The following DRG1 variants were observed in gnomAD, a reference collection of about 807,000 sequenced individuals.
DRG1 encodes developmentally regulated GTP binding protein 1.
DRG1 carries 19 observed loss-of-function variants against 38.8 expected under a neutral mutation model. That is an observed-to-expected ratio of 0.49 (90% CI 0.34 to 0.72). The LOEUF is 0.72. Ranked by LOEUF, DRG1 falls within the 30% of genes least tolerant of loss-of-function variation. DRG1 has a pLI of 0.01. For synonymous variants in DRG1, 167 were observed against 157.5 expected, an observed-to-expected ratio of 1.06 and a Z score of -0.45; for missense variants, 299 against 444.8, an observed-to-expected ratio of 0.67 and a Z score of 2.95.
intron 6 of DRG1, among the ~76,000 whole-genome samples, chr22:31,424,091 T>TG (rs1281764021): frequency 6.6e-6 from 1 of 151,982 alleles, no homozygotes; most frequent in East Asian, 1.9e-4. Context: ...TTCGAACTCC[T>TG]GACCTCAGGT....
At chr22:31,432,196 C>T (rs2050143094) in intron 8 of DRG1, among the ~76,000 whole-genome samples, 1 of 151,744 alleles carries the variant, frequency 6.6e-6, no homozygotes, top group Non-Finnish European at 1.5e-5. Context: ...CCCACCTTAG[C>T]CTTTTAAATA....
chr22:31,432,295 C>T (rs2050143578), intron 8 of DRG1, among the ~76,000 whole-genome samples: 1 of 151,792 alleles, frequency 6.6e-6, no homozygotes, highest in East Asian at 1.9e-4. Flanking sequence ...CAGACTGGTA[C>T]AACTCTCTTA....
Position 31,434,145 on chromosome 22 carries a change from C to G in DRG1, c.*174C>G. 1 of 577,504 alleles carries G rather than the reference C, an allele frequency of 1.7e-6. No homozygotes were observed. The highest frequency in any genetic ancestry group is 3.0e-5 in the Admixed American group (1 of 33,750). The allele number at this position is 577,504 out of a possible 1,614,324, so 35.8% of individuals were successfully genotyped here. A position where few individuals can be genotyped will look rare whatever the true frequency, so the allele number is the denominator to read the frequency against. On this transcript the variant is annotated 3_prime_UTR_variant, in exon 9 of 9. Coordinates refer to ENST00000331457, the MANE Select transcript of DRG1 (RefSeq NM_004147.4). ...CTTACCTTGGTGTCACCTTGTATGT[C>G]GAACTGCATAAAAGATCTGGTAGGC...
chr22:31,406,561 G>C (rs955282918), intron 3 of DRG1, among the ~76,000 whole-genome samples: 1 of 151,658 alleles, frequency 6.6e-6, no homozygotes, highest in Non-Finnish European at 1.5e-5. Context: ...TTTAATACCA[G>C]CTCCTAGGGA....
chr22:31,410,890 G>T, intron 3 of DRG1, 122 bp from the exon 4 acceptor site: 2 of 944,464 alleles, frequency 2.1e-6, no homozygotes, highest in Non-Finnish European at 3.2e-6. Context: ...CGCTTATAAG[G>T]AAGATTGGAT....
intron 5 of DRG1, among the ~76,000 whole-genome samples, chr22:31,422,500 A>C (rs945129905): frequency 6.6e-6 from 1 of 152,190 alleles, no homozygotes. Context: ...GAGAAGGAAA[A>C]CTGAAAGAGT....
Position 31,409,723 on chromosome 22 carries a change from G to A in DRG1, c.343-1289G>A, listed in dbSNP as rs547830255. On this transcript the variant is annotated intron_variant, in intron 3 of 8. Coordinates refer to ENST00000331457, the MANE Select transcript of DRG1 (RefSeq NM_004147.4). ...ATTAATGTAGAATTGGCTGGGCATG[G>A]TGGCTCACTCCTGTAATCCTAGTAC... Among the ~76,000 whole-genome samples the A allele has an allele frequency of 3.9e-5, 6 of 152,268 alleles. No homozygotes were observed. The East Asian group carries it at 1.2e-3, about 29-fold the overall frequency.
At chr22:31,420,214 T>C in intron 4 of DRG1, 42 bp from the exon 5 acceptor site, 1 of 1,599,142 alleles carries the variant, frequency 6.3e-7, no homozygotes, top group Admixed American at 1.7e-5. Flanking sequence ...TAGTTAAGGC[T>C]TTATTGAACT....
chr22:31,427,301 G>A (rs1485106545), intron 8 of DRG1, 119 bp downstream of exon 8: 3 of 1,340,534 alleles, frequency 2.2e-6, no homozygotes, highest in Admixed American at 2.5e-5. Flanking sequence ...TGAAATGTTT[G>A]CTTGGCTAGA....
chr22:31,423,863 C>CTTT (rs71202076), intron 6 of DRG1, among the ~76,000 whole-genome samples: 12 of 119,250 alleles, frequency 1.0e-4, no homozygotes, highest in Non-Finnish European at 1.5e-4. Context: ...GCTTTGGTTT[C>CTTT]TTTTTTTTTT....
At chr22:31,404,146 GCT>G (rs1176739432) in intron 3 of DRG1, among the ~76,000 whole-genome samples, 2 of 150,932 alleles carry the variant, frequency 1.3e-5, no homozygotes, top group Non-Finnish European at 3.0e-5. Flanking sequence ...TTTGCATGGT[GCT>G]CTCTTTCCTC....
At chr22:31,420,176 A>G in intron 4 of DRG1, 80 bp from the exon 5 acceptor site, 4 of 1,503,612 alleles carry the variant, frequency 2.7e-6, no homozygotes, top group Non-Finnish European at 3.6e-6. Context: ...TGTAGGGGGA[A>G]AAAACACCTC....
intron 3 of DRG1, among the ~76,000 whole-genome samples, chr22:31,409,192 C>G (rs2050005560): frequency 6.6e-6 from 1 of 152,114 alleles, no homozygotes; most frequent in African/African-American, 2.4e-5. Flanking sequence ...TCAAGCCATT[C>G]TTGTGCCTCA....
chr22:31,407,502 A>C (rs541916881), intron 3 of DRG1, among the ~76,000 whole-genome samples: 19 of 151,686 alleles, frequency 1.3e-4, no homozygotes, highest in Admixed American at 1.1e-3. Flanking sequence ...TGCCTGACTA[A>C]TTTTTTATTT....
intron 4 of DRG1, among the ~76,000 whole-genome samples, chr22:31,418,772 C>G (rs1362377650): frequency 6.6e-6 from 1 of 152,170 alleles, no homozygotes; most frequent in Non-Finnish European, 1.5e-5. Context: ...ATCTCTGCCT[C>G]CCGGGTTTAA....
chr22:31,426,269 G>A (rs1316318920), intron 6 of DRG1, among the ~76,000 whole-genome samples: 2 of 152,108 alleles, frequency 1.3e-5, no homozygotes, highest in African/African-American at 4.8e-5. Context: ...CTCCGTGTCT[G>A]TGGGTTTTTG....
chr22:31,399,767 CCTT>C, intron 1 of DRG1, 42 bp downstream of exon 1: 2 of 1,613,776 alleles, frequency 1.2e-6, no homozygotes, highest in East Asian at 2.2e-5. Flanking sequence ...TCTGAGCATT[CCTT>C]CTTTGGTGGC....
chr22:31,421,592 G>C (rs1569049726), intron 5 of DRG1, among the ~76,000 whole-genome samples: 1 of 152,020 alleles, frequency 6.6e-6, no homozygotes, highest in Non-Finnish European at 1.5e-5. Context: ...GGCTGGGCAT[G>C]GTGGCTCATG....
chr22:31,420,461 A>G, intron 5 of DRG1, 36 bp downstream of exon 5: 2 of 1,612,578 alleles, frequency 1.2e-6, no homozygotes, highest in Non-Finnish European at 1.7e-6. Flanking sequence ...AGGCTGCTGC[A>G]GGAATTGGAA....
Sources: gnomAD v4.1 joint callset for allele counts (sites outside exome capture counted in the v4.1 genomes callset) on GRCh38, gnomAD v4.1.1 for gene constraint, MANE v1.5 for transcripts, NCBI Gene and HGNC (gene_info 2026-07-23, HGNC 2026-07-21) for gene names.